HMCN1: variants seen among roughly 807,000 people sequenced by gnomAD.
The protein encoded by HMCN1 is hemicentin 1.
Under a neutral mutation model 625.9 loss-of-function variants are expected in HMCN1, and 321 were observed. The observed-to-expected ratio is 0.51, with a 90% CI of 0.47 to 0.56. The LOEUF is 0.56. Ranked by LOEUF, HMCN1 falls within the 20% of genes least tolerant of loss-of-function variation. HMCN1 has a pLI of 0.00. For synonymous variants in HMCN1, 2,425 were observed against 2,417.6 expected (o/e 1.00, Z -0.09); for missense variants, 6,588 against 6,887.3 (o/e 0.96, Z 1.54).
chr1:185,899,199 G>A (rs1357300242), intron 4 of HMCN1, among the ~76,000 whole-genome samples: 2 of 152,170 alleles, frequency 1.3e-5, no homozygotes, highest in East Asian at 1.9e-4. Flanking sequence ...GGCGATGTTC[G>A]CTATTTTTTT....
At chr1:185,999,139 TA>T in intron 25 of HMCN1, among the ~76,000 whole-genome samples, 1 of 152,032 alleles carries the variant, frequency 6.6e-6, no homozygotes, top group South Asian at 2.1e-4. Flanking sequence ...TATATATATA[TA>T]TCCTGGGTTA....
intron 1 of HMCN1, among the ~76,000 whole-genome samples, chr1:185,780,609 GT>G (rs1657004525): frequency 6.6e-6 from 1 of 152,196 alleles, no homozygotes; most frequent in East Asian, 1.9e-4. Context: ...AGATAATCAT[GT>G]GGTTTTTGTC....
At chr1:185,989,269 A>G (rs1264957605) in intron 20 of HMCN1, among the ~76,000 whole-genome samples, 1 of 152,026 alleles carries the variant, frequency 6.6e-6, no homozygotes, top group Non-Finnish European at 1.5e-5. Context: ...TGTTGGGATT[A>G]CAGGTGTGAG....
At chr1:185,848,768 C>T (rs1024029167) in intron 2 of HMCN1, among the ~76,000 whole-genome samples, 6 of 152,112 alleles carry the variant, frequency 3.9e-5, no homozygotes, top group African/African-American at 1.2e-4. Context: ...TTCCTTAATA[C>T]ACCCTGCACT....
intron 24 of HMCN1, among the ~76,000 whole-genome samples, chr1:185,996,741 G>A (rs11580879): frequency 0.013 from 1,908 of 152,202 alleles, 19 homozygotes; most frequent in Middle Eastern, 0.041. Flanking sequence ...GGATATGAGA[G>A]TGAAGGAGAT....
intron 1 of HMCN1, among the ~76,000 whole-genome samples, chr1:185,796,146 G>C (rs1301095537): frequency 6.6e-6 from 1 of 152,204 alleles, no homozygotes; most frequent in Non-Finnish European, 1.5e-5. Context: ...GATGTGGTTT[G>C]AGGATGAAAC....
chr1:185,855,586 G>C (rs1662416539), intron 2 of HMCN1, among the ~76,000 whole-genome samples: 1 of 152,090 alleles, frequency 6.6e-6, no homozygotes, highest in African/African-American at 2.4e-5. Context: ...CTGGTACATA[G>C]TGCAGTTTTT....
At chr1:185,765,189 A>T (rs1655792596) in intron 1 of HMCN1, among the ~76,000 whole-genome samples, 1 of 152,174 alleles carries the variant, frequency 6.6e-6, no homozygotes, top group Admixed American at 6.5e-5. Flanking sequence ...AACTCTTAAG[A>T]TTGGAAAGGA....
At chr1:185,808,584 C>T (rs1208429042) in intron 1 of HMCN1, among the ~76,000 whole-genome samples, 1 of 152,096 alleles carries the variant, frequency 6.6e-6, no homozygotes, top group Non-Finnish European at 1.5e-5. Flanking sequence ...TTCTTATAGA[C>T]TATTAAAATT....
At chr1:185,931,103 G>T (rs989191818) in intron 10 of HMCN1, among the ~76,000 whole-genome samples, 6 of 152,082 alleles carry the variant, frequency 3.9e-5, no homozygotes, top group African/African-American at 1.4e-4. Context: ...GATAGCTAAA[G>T]AAACAGAACC....
chr1:186,010,786 G>A (rs1304989779), intron 30 of HMCN1, among the ~76,000 whole-genome samples: 2 of 152,114 alleles, frequency 1.3e-5, no homozygotes, highest in East Asian at 1.9e-4. Context: ...GGGCAATATA[G>A]TAAATATTTT....
intron 41 of HMCN1, 76 bp from the exon 42 acceptor site, chr1:186,048,667 A>G: frequency 2.3e-6 from 2 of 865,208 alleles, no homozygotes; most frequent in Non-Finnish European, 3.9e-6. Flanking sequence ...AATAAGAAAT[A>G]GATCACAAAT....
chr1:186,024,893 AG>A (rs1297547522), intron 36 of HMCN1, among the ~76,000 whole-genome samples: 3 of 152,182 alleles, frequency 2.0e-5, no homozygotes, highest in Admixed American at 6.5e-5. Context: ...CCCACAGACT[AG>A]GGAGAGGGAT....
chr1:186,089,741 T>A (rs927580648), intron 63 of HMCN1, among the ~76,000 whole-genome samples: 3 of 151,976 alleles, frequency 2.0e-5, no homozygotes, highest in African/African-American at 7.2e-5. Flanking sequence ...CCTAGTCCAG[T>A]GCTTGTCATA....
intron 35 of HMCN1, among the ~76,000 whole-genome samples, chr1:186,021,018 A>T (rs923406534): frequency 2.0e-4 from 30 of 152,144 alleles, no homozygotes; most frequent in East Asian, 1.2e-3. Context: ...CATTCCAAAG[A>T]ATAAATTGGA....
intron 20 of HMCN1, among the ~76,000 whole-genome samples, chr1:185,987,899 C>T (rs999928396): frequency 6.6e-6 from 1 of 151,104 alleles, no homozygotes; most frequent in Admixed American, 6.6e-5. Flanking sequence ...AGAAGGATGA[C>T]CCTGGTGGCG....
At chr1:186,073,320 G>C (rs1461764352) in intron 52 of HMCN1, among the ~76,000 whole-genome samples, 1 of 152,118 alleles carries the variant, frequency 6.6e-6, no homozygotes. Flanking sequence ...TGATCAAGAA[G>C]AAACAGTGAA....
At chr1:185,845,910 A>C in intron 1 of HMCN1, 116 bp from the exon 2 acceptor site, 4 of 703,200 alleles carry the variant, frequency 5.7e-6, no homozygotes, top group Non-Finnish European at 1.0e-5. Context: ...GTATTTTACT[A>C]TTTCTTATTA....
intron 68 of HMCN1, among the ~76,000 whole-genome samples, chr1:186,098,143 CAAGGATTTTTCTGGAT>C (rs1399108290): frequency 6.6e-6 from 1 of 151,646 alleles, no homozygotes; most frequent in Admixed American, 6.6e-5. Flanking sequence ...TTGGACTAGG[CAAGGATTTTTCTGGAT>C]AAGAACTCAA....
Sources: allele counts gnomAD v4.1 joint callset (sites outside exome capture counted in the v4.1 genomes callset), GRCh38; gene constraint gnomAD v4.1.1; transcripts MANE v1.5; gene names NCBI Gene and HGNC (gene_info 2026-07-23, HGNC 2026-07-21).